SLC47A2: variants seen among roughly 807,000 people sequenced by gnomAD.
SLC47A2 encodes multidrug and toxin extrusion protein 2.
Under a neutral mutation model 67.7 loss-of-function variants are expected in SLC47A2, and 52 were observed. The observed-to-expected ratio is 0.77, with a 90% CI of 0.61 to 0.97. SLC47A2 has a LOEUF of 0.97. SLC47A2 is among the 50% of genes least tolerant of loss of function. The pLI is 0.00. For missense variants in SLC47A2, 676 were observed against 712.3 expected (o/e 0.95, Z 0.58); for synonymous variants, 278 against 292.9 (o/e 0.95, Z 0.52).
chr17:19,679,984 C>T lies in SLC47A2; in HGVS notation c.1448G>A (p.Arg483Lys), dbSNP rs138832891. ...TAGGACTGCTTTCTCAGGCCCAGGT[C>T]TGGTTGCAGTGCTCTCTGCTCTCTG... is the stretch of plus-strand genomic sequence containing the variant. Reference protein sequence around the residue: ...QQQRAESTATRPGPEKAVLSS... With the variant: ...QQQRAESTATKPGPEKAVLSS... The change falls in exon 16 of 17, where the codon AGA becomes AAA. Residue 483 changes from arginine to lysine, a missense_variant. Transcript: ENST00000433844. The T allele has an allele frequency of 1.2e-6, 2 of 1,614,034 alleles. No individual in the cohort carries two copies. Among genetic ancestry groups the T allele is most frequent in the African/African-American group, 1.3e-5 (1 of 75,012 alleles).
At chr17:19,714,623 C>T in intron 3 of SLC47A2, 98 bp downstream of exon 3, 6 of 1,425,560 alleles carry the variant, frequency 4.2e-6, no homozygotes, top group Non-Finnish European at 3.0e-6. Context: ...GCTCCCAGAT[C>T]ACCTGGCTGC....
rs781774113 is a variant in SLC47A2 at position 19,707,885 on chromosome 17, C to G, written c.630-42G>C. ...AACAGGGCTGCGACTGATGCCAACT[C>G]TCTGCCACCGCCCTGCCTGAGAGAG... On this transcript the variant is annotated intron_variant, in intron 7 of 16. Transcript: ENST00000433844. 4 of 1,528,556 alleles carry G rather than the reference C, an allele frequency of 2.6e-6. No homozygotes were observed. The South Asian group carries it at 3.6e-5, about 14-fold the overall frequency. 94.7% of individuals were successfully genotyped at this position (1,528,556 alleles called of 1,614,324 possible). A position where few individuals can be genotyped will look rare whatever the true frequency, so the allele number is the denominator to read the frequency against.
chr17:19,685,579 T>G lies in SLC47A2; in HGVS notation c.1165-3909A>C, dbSNP rs2085411168. On this transcript the variant is annotated intron_variant, in intron 13 of 16. Transcript: ENST00000433844. This position sits in a 1 kb window ranked among gnomAD's most constrained non-coding sequence, Gnocchi z 4.5. ...ATTAAGGGCGGTGCAAGATGTGCTT[T>G]GTTAAACAGATGCTTGAAGGCAGCA... Among the ~76,000 whole-genome samples, 1 of 152,196 alleles carries G rather than the reference T, an allele frequency of 6.6e-6. No individual in the cohort carries two copies. Among genetic ancestry groups the G allele is most frequent in the Non-Finnish European group, 1.5e-5 (1 of 68,034 alleles).
At chr17:19,702,727 T>C (rs2085819365) in intron 12 of SLC47A2, 53 bp from the exon 13 acceptor site, 1 of 1,579,678 alleles carries the variant, frequency 6.3e-7, no homozygotes, top group Non-Finnish European at 8.7e-7. Context: ...TTGAGACCCA[T>C]TTATATCCCT....
intron 13 of SLC47A2, among the ~76,000 whole-genome samples, chr17:19,696,021 G>C (rs1295524635): frequency 6.6e-6 from 1 of 151,134 alleles, no homozygotes; most frequent in Non-Finnish European, 1.5e-5. Context: ...ACTGTGTCTG[G>C]CCAAAAGATG....
chr17:19,694,098 A>G (rs1473846105), intron 13 of SLC47A2, among the ~76,000 whole-genome samples: 1 of 152,222 alleles, frequency 6.6e-6, no homozygotes. Flanking sequence ...TCCATTGAAG[A>G]CTATAAAACA....
intron 3 of SLC47A2, 79 bp downstream of exon 3, chr17:19,714,642 C>T: frequency 1.9e-6 from 3 of 1,558,740 alleles, no homozygotes; most frequent in South Asian, 2.2e-5. Flanking sequence ...GCGCCCCTCC[C>T]ACCTGCCATC....
intron 10 of SLC47A2, chr17:19,704,822 CTTTTTTTT>C: frequency 7.3e-6 from 2 of 273,272 alleles, no homozygotes; most frequent in Non-Finnish European, 6.2e-6. Flanking sequence ...ATGGAATGTG[CTTTTTTTT>C]TTTTTTTTTT....
intron 13 of SLC47A2, among the ~76,000 whole-genome samples, chr17:19,689,246 C>T (rs1167148622): frequency 1.3e-5 from 2 of 151,202 alleles, no homozygotes; most frequent in Non-Finnish European, 2.9e-5. Context: ...CCTAAAGACC[C>T]CCACCAAACA....
chr17:19,718,689 C>G (rs1274819628), upstream of SLC47A2: 1 of 152,238 alleles, frequency 6.6e-6, no homozygotes, highest in Non-Finnish European at 1.5e-5. Context: ...GTGGGTTTGA[C>G]CCTGGGGAGG....
At chr17:19,708,561 C>A in intron 6 of SLC47A2, 155 bp downstream of exon 6, 1 of 1,607,466 alleles carries the variant, frequency 6.2e-7, no homozygotes, top group Non-Finnish European at 8.5e-7. Flanking sequence ...TGCCTCTGTG[C>A]GGGAGGTCAG....
intron 10 of SLC47A2, among the ~76,000 whole-genome samples, 194 bp from the exon 11 acceptor site, chr17:19,704,372 C>T (rs1037637967): frequency 7.2e-5 from 11 of 152,216 alleles, no homozygotes; most frequent in Admixed American, 3.3e-4. Context: ...GGTGGGGGTA[C>T]CCCCAGTGAC....
chr17:19,716,601 G>A (rs139938875), upstream of SLC47A2: 49 of 1,530,024 alleles, frequency 3.2e-5, no homozygotes, highest in African/African-American at 2.1e-4. Context: ...GCGCCTGCAC[G>A]GCCAGCTTTG....
At chr17:19,680,150 A>T (rs1327182120) in intron 15 of SLC47A2, 111 bp from the exon 16 acceptor site, 1 of 990,496 alleles carries the variant, frequency 1.0e-6, no homozygotes, top group Non-Finnish European at 1.5e-6. Flanking sequence ...AGCAGCATAT[A>T]TGCATGTATT....
At chr17:19,704,272 A>C (rs373362300) in intron 10 of SLC47A2, 94 bp from the exon 11 acceptor site, 1 of 976,058 alleles carries the variant, frequency 1.0e-6, no homozygotes, top group Non-Finnish European at 1.5e-6. Context: ...GTGAGCGGGA[A>C]GGCAGAGCAG....
chr17:19,688,700 C>T (rs932817908), intron 13 of SLC47A2, among the ~76,000 whole-genome samples: 3 of 151,952 alleles, frequency 2.0e-5, no homozygotes, highest in Non-Finnish European at 2.9e-5. Context: ...ACTGCACTGC[C>T]TGCACTACAA....
At chr17:19,691,619 G>A (rs890234570) in intron 13 of SLC47A2, among the ~76,000 whole-genome samples, 1 of 152,166 alleles carries the variant, frequency 6.6e-6, no homozygotes, top group Non-Finnish European at 1.5e-5. Flanking sequence ...AGTGGGAGAG[G>A]GAATGGGGAT....
At chr17:19,691,302 C>CA (rs1373319374) in intron 13 of SLC47A2, among the ~76,000 whole-genome samples, 2 of 152,098 alleles carry the variant, frequency 1.3e-5, no homozygotes, top group Non-Finnish European at 2.9e-5. Context: ...CCTGCACTCC[C>CA]ATATTTATTG....
At chr17:19,698,518 A>G (rs540100428) in intron 13 of SLC47A2, among the ~76,000 whole-genome samples, 2 of 152,068 alleles carry the variant, frequency 1.3e-5, no homozygotes, top group African/African-American at 4.8e-5. Flanking sequence ...TGCTTGGCTA[A>G]TTTTTGTATT....
Sources: gnomAD v4.1 joint callset for allele counts (sites outside exome capture counted in the v4.1 genomes callset) on GRCh38, gnomAD v4.1.1 for gene constraint, Gnocchi (gnomAD v3.1) non-coding constraint, MANE v1.5 for transcripts, NCBI Gene and HGNC (gene_info 2026-07-23, HGNC 2026-07-21) for gene names.